The following CAPN1 variants were observed in gnomAD, a reference collection of about 807,000 sequenced individuals.
The protein encoded by CAPN1 is calpain-1 catalytic subunit.
CAPN1 carries 77 observed loss-of-function variants against 105.2 expected under a neutral mutation model. The ratio of observed to expected loss-of-function variants is 0.73; its 90% CI spans 0.61 to 0.88. The LOEUF is 0.88. CAPN1 is among the 40% of genes least tolerant of loss of function. The pLI is 0.00. For synonymous variants in CAPN1, 355 were observed against 388.8 expected, an observed-to-expected ratio of 0.91 and a Z score of 1.02; for missense variants, 833 against 976.6, an observed-to-expected ratio of 0.85 and a Z score of 1.96.
At position 65,210,266 on chromosome 11, in the gene CAPN1, C is replaced by T. The variant is rs1426747036; in HGVS notation, c.1943-70C>T. 4 of 1,254,780 alleles carry T rather than the reference C, an allele frequency of 3.2e-6. No homozygotes were observed. In the African/African-American group the frequency reaches 4.4e-5, roughly 14 times the overall value. 77.7% of individuals were successfully genotyped at this position (1,254,780 alleles called of 1,614,324 possible). On this transcript the variant is annotated intron_variant, in intron 19 of 21. Transcript: ENST00000279247. The surrounding 1 kb of genome is among the most constrained non-coding windows in gnomAD (Gnocchi z 4.3). ...CCTAGCCCCAGCCCCCTCCTGGGGA[C>T]CCAACCCCTCCCCCATCCTGTTGGG...
At chr11:65,202,809 G>A (rs1300835704) in intron 10 of CAPN1, among the ~76,000 whole-genome samples, 1 of 152,114 alleles carries the variant, frequency 6.6e-6, no homozygotes, top group Non-Finnish European at 1.5e-5. Context: ...TATATTCACA[G>A]AGTTGTGCAA....
At chr11:65,187,789 A>T in intron 7 of CAPN1, 166 bp from the exon 8 acceptor site, 1 of 555,618 alleles carries the variant, frequency 1.8e-6, no homozygotes, top group Non-Finnish European at 3.3e-6. Context: ...TGGGAGGCTG[A>T]GGCAAGAGAA....
intron 14 of CAPN1, among the ~76,000 whole-genome samples, chr11:65,207,634 C>T (rs1031123048): frequency 1.3e-5 from 2 of 151,754 alleles, no homozygotes; most frequent in South Asian, 2.1e-4. Flanking sequence ...AGACTCAAGC[C>T]GGGCTCAGTG....
At position 65,204,738 on chromosome 11, in the gene CAPN1, G is replaced by T; in HGVS notation, c.1221G>T (p.Pro407=). ...FKIRLDETDD[P]DDYGDRESGC... The stretch of plus-strand genomic sequence containing the variant: ...TCCGGCTGGATGAGACGGATGACCC[G>T]GACGACTACGGGGACCGCGAGTCAG... Residue 407 remains proline (P), a synonymous_variant, in exon 11 of 22, where the codon CCG becomes CCT. Coordinates refer to ENST00000279247, the MANE Select transcript of CAPN1 (RefSeq NM_005186.4). 6.2e-7 allele frequency: 1 copy of T among 1,613,156 alleles called. No homozygotes were observed. Among genetic ancestry groups the T allele is most frequent in the African/African-American group, 1.3e-5 (1 of 75,060 alleles).
rs574685283 is a variant in CAPN1, at chr11:65,185,917, C to T, written c.457C>T (p.Leu153=). The T allele has an allele frequency of 6.3e-7, 1 of 1,580,084 alleles. No homozygotes were observed. Residue 153 remains leucine, a splice_region_variant and synonymous_variant, in exon 5 of 22, where the codon CTG becomes TTG. Transcript: ENST00000279247. The part of the protein sequence containing the change: ...NGYAGIFHFQ[L]WQFGEWVDVV... ...TACTCACCGTGCCCCTCCCCCACAG[C>T]TGTGGCAATTTGGGGAGTGGGTGGA...
chr11:65,181,644 C>G, upstream of CAPN1: 2 of 379,364 alleles, frequency 5.3e-6, no homozygotes, highest in Non-Finnish European at 1.1e-5. This position sits in a 1 kb window ranked among gnomAD's most constrained non-coding sequence, Gnocchi z 4.6. Context: ...CTCCGTTCCC[C>G]GCGGTGCCCT....
At chr11:65,189,559 C>T (rs755040605) in intron 10 of CAPN1, among the ~76,000 whole-genome samples, 9 of 152,166 alleles carry the variant, frequency 5.9e-5, no homozygotes, top group Non-Finnish European at 1.0e-4. Flanking sequence ...CAAGCCAGTC[C>T]GTTGAACCCA....
chr11:65,189,701 C>T (rs920337281), intron 10 of CAPN1, among the ~76,000 whole-genome samples: 2 of 152,184 alleles, frequency 1.3e-5, no homozygotes, highest in African/African-American at 4.8e-5. Context: ...GGCACAAAAC[C>T]CATCTCCACT....
In CAPN1 at chr11:65,209,262, C is replaced by T; in HGVS notation, c.1730-61C>T. ...TTGACTCTGCCCCACCCAGTGCTCC[C>T]AGCAGGGGCAGGTGCAGGAAGCTCA... On this transcript the variant is annotated intron_variant, in intron 16 of 21. Transcript: ENST00000279247. This position sits in a 1 kb window ranked among gnomAD's most constrained non-coding sequence, Gnocchi z 4.1. 7.1e-7 allele frequency: 1 copy of T among 1,401,832 alleles called. No individual in the cohort carries two copies. The highest frequency in any genetic ancestry group is 1.0e-6 in the Non-Finnish European group (1 of 998,402). The allele number at this position is 1,401,832 out of a possible 1,614,324, so 86.8% of individuals were successfully genotyped here. A position where few individuals can be genotyped will look rare whatever the true frequency, so the allele number is the denominator to read the frequency against.
rs17881994 is a variant in CAPN1 at position 65,209,440 on chromosome 11, G to A, written c.1794+53G>A. ...GAGTGGGGTTTTGGGTGGAGGTATC[G>A]GTGCTGGGAGAACTGTCCCAGGACA... On this transcript the variant is annotated intron_variant, in intron 17 of 21. Coordinates refer to ENST00000279247, the MANE Select transcript of CAPN1 (RefSeq NM_005186.4). This position sits in a 1 kb window ranked among gnomAD's most constrained non-coding sequence, Gnocchi z 4.1. 6,070 of 1,462,410 alleles carry A rather than the reference G, an allele frequency of 4.2e-3. 265 individuals are homozygous for A. In the South Asian group the frequency reaches 0.067, roughly 16 times the overall value. 90.6% of individuals were successfully genotyped at this position (1,462,410 alleles called of 1,614,324 possible). A position where few individuals can be genotyped will look rare whatever the true frequency, so the allele number is the denominator to read the frequency against.
chr11:65,208,115 G>T lies in CAPN1; in HGVS notation c.1666G>T (p.Gly556Trp). 1 of 1,608,062 alleles carries T rather than the reference G, an allele frequency of 6.2e-7. No homozygotes were observed. Among genetic ancestry groups the T allele is most frequent in the East Asian group, 2.2e-5 (1 of 44,698 alleles). Residue 556 changes from glycine (G) to tryptophan (W), a missense_variant, in exon 15 of 22, where the codon GGG becomes TGG. Gly to Trp is a radical substitution (Grantham distance 184). Transcript: ENST00000279247. This position sits in a 1 kb window ranked among gnomAD's most constrained non-coding sequence, Gnocchi z 4.1. Reference sequence around the variant, plus strand: ...CAAGGCCCTCTTCAGGCAGCTGGCAGGGGAGGTAGGTTGGGGCATGGCAGG... The same window carrying T: ...CAAGGCCCTCTTCAGGCAGCTGGCATGGGAGGTAGGTTGGGGCATGGCAGG... ...NFKALFRQLA[G>W]EDMEISVKEL...
Position 65,208,912 on chromosome 11 carries a change from G to A in CAPN1, c.1730-411G>A. 1 of 261,798 alleles carries A rather than the reference G, an allele frequency of 3.8e-6. No individual in the cohort carries two copies. The highest frequency in any genetic ancestry group is 1.5e-3 in the Middle Eastern group (1 of 688). 16.2% of individuals were successfully genotyped at this position (261,798 alleles called of 1,614,324 possible). On this transcript the variant is annotated intron_variant, in intron 16 of 21. Transcript: ENST00000279247. The surrounding 1 kb of genome is among the most constrained non-coding windows in gnomAD (Gnocchi z 4.1). ...TCACTCCCCAGGGCAGACAACTGCTGGCCTCTCATCCCCTCCCCTCCCCTT... is the reference window on the plus strand; with the variant it reads ...TCACTCCCCAGGGCAGACAACTGCTAGCCTCTCATCCCCTCCCCTCCCCTT...
chr11:65,189,175 C>G (rs1372210666), intron 10 of CAPN1, among the ~76,000 whole-genome samples: 1 of 152,206 alleles, frequency 6.6e-6, no homozygotes, highest in African/African-American at 2.4e-5. Context: ...AGGCACCTAC[C>G]ATACCCAGCT....
intron 12 of CAPN1, chr11:65,206,164 T>C (rs1359154451): frequency 1.5e-5 from 8 of 550,646 alleles, no homozygotes; most frequent in African/African-American, 5.7e-5. Flanking sequence ...TACCCTGCAG[T>C]ACCTGACCTG....
At chr11:65,183,415 C>T (rs546557386) in intron 3 of CAPN1, 59 bp from the exon 4 acceptor site, 81 of 1,363,146 alleles carry the variant, frequency 5.9e-5, no homozygotes, top group Admixed American at 8.7e-5. Context: ...CCCTAGCACC[C>T]GCTTCCCCCC....
chr11:65,192,807 A>G (rs1325820005), intron 10 of CAPN1, among the ~76,000 whole-genome samples: 1 of 151,534 alleles, frequency 6.6e-6, no homozygotes, highest in East Asian at 1.9e-4. Context: ...GGGTCTCACT[A>G]TGTTGCCCAG....
At position 65,188,317 on chromosome 11, in the gene CAPN1, T is replaced by TGGGCC; in HGVS notation, c.930-93_930-89dup. The TGGGCC allele has an allele frequency of 1.7e-6, 2 of 1,147,158 alleles. No homozygotes were observed. Among genetic ancestry groups the TGGGCC allele is most frequent in the Non-Finnish European group, 2.5e-6 (2 of 796,630 alleles). The allele number at this position is 1,147,158 out of a possible 1,614,324, so 71.1% of individuals were successfully genotyped here. A position where few individuals can be genotyped will look rare whatever the true frequency, so the allele number is the denominator to read the frequency against. On this transcript the variant is annotated intron_variant, in intron 8 of 21. Transcript: ENST00000279247. This position sits in a 1 kb window ranked among gnomAD's most constrained non-coding sequence, Gnocchi z 5.5. ...TTGACCTTGAGGAGGCCACCTGGGC[T>TGGGCC]GGGCCGGGGGAAGACAGGCCAGGGT...
Position 65,209,943 on chromosome 11 carries a change from C to A in CAPN1, c.1863+26C>A. On this transcript the variant is annotated intron_variant, in intron 18 of 21. Coordinates refer to ENST00000279247, the MANE Select transcript of CAPN1 (RefSeq NM_005186.4). The surrounding 1 kb of genome is among the most constrained non-coding windows in gnomAD (Gnocchi z 4.1). Reference sequence around the variant, plus strand: ...GTAGGTTGTCCCCACTCACCTCAGTCATGCAGGTGCGGGCCGGGCAGGTGG... The same window carrying A: ...GTAGGTTGTCCCCACTCACCTCAGTAATGCAGGTGCGGGCCGGGCAGGTGG... The A allele has an allele frequency of 1.9e-6, 3 of 1,612,242 alleles. No homozygotes were observed. The South Asian group carries it at 3.3e-5, about 18-fold the overall frequency.
chr11:65,183,685 G>T, intron 4 of CAPN1, 93 bp downstream of exon 4: 1 of 818,536 alleles, frequency 1.2e-6, no homozygotes, highest in Non-Finnish European at 2.0e-6. Context: ...ACACCCTGTG[G>T]GGCCAGCCCT....
Sources: allele counts gnomAD v4.1 joint callset (sites outside exome capture counted in the v4.1 genomes callset), GRCh38; gene constraint gnomAD v4.1.1; non-coding constraint Gnocchi (gnomAD v3.1); transcripts MANE v1.5; gene names NCBI Gene and HGNC (gene_info 2026-07-23, HGNC 2026-07-21).